FGF14: variants seen among roughly 807,000 people sequenced by gnomAD.
FGF14 encodes fibroblast growth factor 14, also known as fibroblast growth factor homologous factor 4.
A neutral mutation model predicts 25.5 loss-of-function variants in FGF14; 5 were observed. That is an observed-to-expected ratio of 0.20 (90% CI 0.10 to 0.41). The LOEUF (loss-of-function observed/expected upper bound fraction) is 0.41, where lower values mean the gene tolerates loss of function less well. Among genes scored for constraint, FGF14 ranks in the 10% least tolerant of loss-of-function variants. The pLI is 1.00. For synonymous variants in FGF14, 138 were observed against 118.3 expected, an observed-to-expected ratio of 1.17 and a Z score of -1.08; for missense variants, 222 against 320.1, an observed-to-expected ratio of 0.69 and a Z score of 2.34.
Position 101,778,188 on chromosome 13 carries a change from C to A in FGF14, c.409-51378G>T, listed in dbSNP as rs532054336. 2.7e-4 allele frequency among the ~76,000 whole-genome samples: 41 copies of A among 152,282 alleles called. No individual in the cohort carries two copies. The South Asian group carries it at 3.1e-3, about 12-fold the overall frequency. ...ATAATGTTATTTTACCCAGTTGGAA[C>A]TGTCTGCCTATACTAGCTTAGTGCT... On this transcript the variant is annotated intron_variant, in intron 3 of 4. Coordinates refer to ENST00000376143, the MANE Select transcript of FGF14 (RefSeq NM_004115.4).
intron 1 of FGF14, among the ~76,000 whole-genome samples, chr13:102,301,442 G>T (rs967028714): frequency 6.6e-6 from 1 of 152,200 alleles, no homozygotes; most frequent in African/African-American, 2.4e-5. Context: ...CTAAGAGTAT[G>T]TTGGAAACAC....
At chr13:101,985,946 G>T (rs1004880958) in intron 1 of FGF14, among the ~76,000 whole-genome samples, 3 of 152,018 alleles carry the variant, frequency 2.0e-5, no homozygotes, top group African/African-American at 7.2e-5. Flanking sequence ...ACATCCAACT[G>T]CTACCTAAGA....
chr13:102,022,768 A>G lies in FGF14; in HGVS notation c.209-147472T>C, dbSNP rs562744517. On this transcript the variant is annotated intron_variant, in intron 1 of 4. Coordinates refer to the FGF14 transcript ENST00000376131. Reference sequence around the variant, plus strand: ...TCCATTTTAAACTATAAAAAAGAGAATATCTTTGTATAAAGCCTCTGTATT... The same window carrying G: ...TCCATTTTAAACTATAAAAAAGAGAGTATCTTTGTATAAAGCCTCTGTATT... 4.6e-5 allele frequency among the ~76,000 whole-genome samples: 7 copies of G among 152,278 alleles called. No homozygotes were observed. The South Asian group carries it at 6.2e-4, about 14-fold the overall frequency.
At chr13:102,183,035 C>G (rs182995371) in intron 1 of FGF14, among the ~76,000 whole-genome samples, 49 of 152,202 alleles carry the variant, frequency 3.2e-4, no homozygotes, top group Non-Finnish European at 5.6e-4. Context: ...TTCTGGAATA[C>G]AAGCAAGCCC....
rs9585857 is a variant in FGF14, at chr13:102,148,378, T to C, written c.208+253093A>G. Among the ~76,000 whole-genome samples the C allele has an allele frequency of 3.8e-3, 572 of 152,344 alleles. 5 individuals carry two copies. Among genetic ancestry groups the C allele is most frequent in the African/African-American group, 0.012 (501 of 41,584 alleles). On this transcript the variant is annotated intron_variant, in intron 1 of 4. Transcript: ENST00000376131. ...GATACTTTCTTACTATATATTTTAA[T>C]TGTCTTATAATTTGGTTCAATATTG...
intron 1 of FGF14, among the ~76,000 whole-genome samples, chr13:102,187,618 T>C (rs915566012): frequency 2.0e-5 from 3 of 152,290 alleles, no homozygotes; most frequent in African/African-American, 7.2e-5. Flanking sequence ...CTTTTCCACC[T>C]TCGTGCCCTG....
At chr13:101,830,965 TA>T (rs1176181437) in intron 3 of FGF14, among the ~76,000 whole-genome samples, 1 of 152,102 alleles carries the variant, frequency 6.6e-6, no homozygotes, top group Non-Finnish European at 1.5e-5. Context: ...TTCTCTCTTC[TA>T]CTTTTAAGTA....
At chr13:102,057,773 T>C (rs2042500267) in intron 1 of FGF14, among the ~76,000 whole-genome samples, 1 of 152,162 alleles carries the variant, frequency 6.6e-6, no homozygotes, top group Non-Finnish European at 1.5e-5. Flanking sequence ...AAATAAATGA[T>C]AAATAAAGTG....
chr13:101,811,597 CAT>C (rs2041513512), intron 3 of FGF14, among the ~76,000 whole-genome samples: 1 of 152,156 alleles, frequency 6.6e-6, no homozygotes, highest in South Asian at 2.1e-4. Flanking sequence ...TATGTGTACA[CAT>C]ATGTTTTCAA....
chr13:101,741,263 G>A (rs956663015), intron 3 of FGF14, among the ~76,000 whole-genome samples: 5 of 152,176 alleles, frequency 3.3e-5, no homozygotes, highest in Admixed American at 6.5e-5. Flanking sequence ...TTGAACCAGG[G>A]AGGCAGAGGT....
At chr13:102,129,261 A>G (rs1026119264) in intron 1 of FGF14, among the ~76,000 whole-genome samples, 15 of 152,162 alleles carry the variant, frequency 9.9e-5, no homozygotes, top group Admixed American at 9.8e-4. Flanking sequence ...AAAAAAAGAA[A>G]GAAAGAAAGA....
At chr13:102,033,849 C>T (rs2041337691) in intron 1 of FGF14, among the ~76,000 whole-genome samples, 1 of 152,086 alleles carries the variant, frequency 6.6e-6, no homozygotes, top group African/African-American at 2.4e-5. Flanking sequence ...AACCAAGACT[C>T]CCTACCAGCT....
chr13:101,816,453 G>C (rs2041855379), intron 3 of FGF14, among the ~76,000 whole-genome samples: 1 of 151,958 alleles, frequency 6.6e-6, no homozygotes. Context: ...TAACAAATAA[G>C]AAAATAGCAA....
intron 1 of FGF14, among the ~76,000 whole-genome samples, chr13:102,082,331 T>C (rs978384746): frequency 4.6e-5 from 7 of 151,940 alleles, no homozygotes; most frequent in Admixed American, 1.3e-4. Flanking sequence ...CTAAGCCATG[T>C]CTTCTCTTGT....
At chr13:101,859,434 A>G (rs1201867213) in intron 3 of FGF14, among the ~76,000 whole-genome samples, 3 of 152,080 alleles carry the variant, frequency 2.0e-5, no homozygotes, top group African/African-American at 2.4e-5. Context: ...TTAAACCACA[A>G]TTTTTAACTT....
intron 1 of FGF14, among the ~76,000 whole-genome samples, chr13:102,211,666 C>CA (rs1415222603): frequency 1.3e-5 from 2 of 152,172 alleles, no homozygotes. Flanking sequence ...GGCTGGCTCT[C>CA]AAACCTACTT....
intron 3 of FGF14, among the ~76,000 whole-genome samples, chr13:101,793,908 A>G (rs144164516): frequency 0.014 from 2,165 of 152,206 alleles, 25 homozygotes; most frequent in Non-Finnish European, 0.019. Context: ...TGATGTTTGT[A>G]GCTCTGTCAT....
At chr13:102,358,626 T>C (rs1041244868) in intron 1 of FGF14, among the ~76,000 whole-genome samples, 5 of 152,192 alleles carry the variant, frequency 3.3e-5, no homozygotes, top group African/African-American at 9.7e-5. Context: ...CACAATATAG[T>C]GTGTGTTTGT....
chr13:102,202,730 A>G (rs2049720005), intron 1 of FGF14, among the ~76,000 whole-genome samples: 1 of 152,164 alleles, frequency 6.6e-6, no homozygotes, highest in Non-Finnish European at 1.5e-5. Context: ...TTATTCCAGA[A>G]CTTCAAAAGC....
Sources: allele counts gnomAD v4.1 joint callset (sites outside exome capture counted in the v4.1 genomes callset), GRCh38; gene constraint gnomAD v4.1.1; transcripts MANE v1.5; gene names NCBI Gene and HGNC (gene_info 2026-07-23, HGNC 2026-07-21).